The following IST1 variants were observed in gnomAD, a reference collection of about 807,000 sequenced individuals.
IST1 encodes IST1 factor associated with ESCRT-III.
A neutral mutation model predicts 37.0 loss-of-function variants in IST1; 23 were observed. That is an observed-to-expected ratio of 0.62 (90% CI 0.45 to 0.88). The LOEUF (loss-of-function observed/expected upper bound fraction) is 0.88, where lower values mean the gene tolerates loss of function less well. Ranked by LOEUF, IST1 falls within the 40% of genes least tolerant of loss-of-function variation. IST1 has a pLI of 0.00. For missense variants in IST1, 488 were observed against 445.4 expected (o/e 1.10, Z -0.86); for synonymous variants, 180 against 161.7 (o/e 1.11, Z -0.86).
intron 4 of IST1, among the ~76,000 whole-genome samples, 179 bp from the exon 5 acceptor site, chr16:71,920,560 T>TTGGA (rs140935789): frequency 4.0e-4 from 61 of 152,244 alleles, no homozygotes; most frequent in African/African-American, 9.4e-4. Flanking sequence ...GTGCTGCTCA[T>TTGGA]TGGATGGATG....
At chr16:71,922,213 C>G (rs1370253538) in intron 6 of IST1, among the ~76,000 whole-genome samples, 1 of 152,116 alleles carries the variant, frequency 6.6e-6, no homozygotes, top group Non-Finnish European at 1.5e-5. Flanking sequence ...CTCAGACATC[C>G]CTATTACCCA....
intron 1 of IST1, among the ~76,000 whole-genome samples, chr16:71,914,408 C>G (rs1048356147): frequency 6.6e-6 from 1 of 152,100 alleles, no homozygotes; most frequent in African/African-American, 2.4e-5. Context: ...GATCTGCCCA[C>G]CTCGGCCTCC....
In IST1 at chr16:71,930,067, T is replaced by C. The variant is rs1160552339; in HGVS notation, c.*2254T>C. ...AGTTACCTACCTTAAGCGACTTTCT[T>C]TCTTTTCCAAAGGCCATGAGAATGG... On this transcript the variant is annotated 3_prime_UTR_variant, in exon 10 of 10. Transcript: ENST00000378799. The C allele has an allele frequency of 1.3e-6, 2 of 1,549,278 alleles. No homozygotes were observed. Among genetic ancestry groups the C allele is most frequent in the Admixed American group, 2.0e-5 (1 of 50,038 alleles).
intron 1 of IST1, among the ~76,000 whole-genome samples, chr16:71,907,524 G>A (rs938373073): frequency 4.6e-5 from 7 of 152,092 alleles, no homozygotes; most frequent in Non-Finnish European, 7.4e-5. Flanking sequence ...TGATCCGCCC[G>A]CCTCGGCTTC....
upstream of IST1, chr16:71,895,476 C>G (rs1287047012): frequency 6.1e-6 from 6 of 980,116 alleles, no homozygotes; most frequent in Non-Finnish European, 7.3e-6. Flanking sequence ...GTGGCTATAT[C>G]GGCCCCGTGG....
chr16:71,899,881 G>A (rs905977978), intron 1 of IST1, among the ~76,000 whole-genome samples: 3 of 152,078 alleles, frequency 2.0e-5, no homozygotes, highest in African/African-American at 7.2e-5. Context: ...AAATTAGCTG[G>A]GTATGGTGGT....
intron 1 of IST1, among the ~76,000 whole-genome samples, chr16:71,909,687 T>C (rs2037308560): frequency 6.6e-6 from 1 of 152,234 alleles, no homozygotes; most frequent in African/African-American, 2.4e-5. Context: ...AGGTATAATC[T>C]TATCTTTGTT....
Position 71,929,529 on chromosome 16 carries a change from A to G in IST1, c.*1716A>G, listed in dbSNP as rs1597264491. On this transcript the variant is annotated 3_prime_UTR_variant, in exon 10 of 10. Transcript: ENST00000378799. ...TAATAAATACTAAGCCAAGTAGGAGATAACAGGATTAAGGTAGTTCATCTA... is the reference window on the plus strand; with the variant it reads ...TAATAAATACTAAGCCAAGTAGGAGGTAACAGGATTAAGGTAGTTCATCTA... 2 of 1,546,262 alleles carry G rather than the reference A, an allele frequency of 1.3e-6. No individual in the cohort carries two copies. The highest frequency in any genetic ancestry group is 2.4e-5 in the South Asian group (2 of 82,604).
chr16:71,927,104 C>A (rs1390726593), intron 9 of IST1, among the ~76,000 whole-genome samples: 1 of 152,074 alleles, frequency 6.6e-6, no homozygotes. Flanking sequence ...CTTTGATTTC[C>A]CTTAAACTTT....
chr16:71,921,065 GTTGGAA>G, intron 5 of IST1: 1 of 606,440 alleles, frequency 1.6e-6, no homozygotes, highest in South Asian at 1.9e-5. Flanking sequence ...ATTTGTGAAG[GTTGGAA>G]GTGAGGTGGG....
chr16:71,908,934 G>T (rs1198920328), intron 1 of IST1, among the ~76,000 whole-genome samples: 2 of 152,036 alleles, frequency 1.3e-5, no homozygotes, highest in South Asian at 2.1e-4. Context: ...TTCTGTTCAG[G>T]TTTTACAGCT....
intron 4 of IST1, among the ~76,000 whole-genome samples, chr16:71,919,970 C>CAATGGCGAG (rs1208085923): frequency 1.3e-5 from 2 of 152,170 alleles, no homozygotes; most frequent in African/African-American, 2.4e-5. Flanking sequence ...GCAGATGGAA[C>CAATGGCGAG]AATGGCGAGC....
chr16:71,909,095 CTTTTTTTTTT>C lies in IST1; in HGVS notation c.-15-6520_-15-6511del, dbSNP rs34086105. On this transcript the variant is annotated intron_variant, in intron 1 of 9. Coordinates refer to ENST00000378799, the MANE Select transcript of IST1 (RefSeq NM_001270975.2). ...CATGTTTTTGTCAAATTTTGTTTGT[CTTTTTTTTTT>C]TTTTTTTTTTGGATACAGGGTCTCA... Among the ~76,000 whole-genome samples the C allele has an allele frequency of 2.3e-4, 24 of 102,946 alleles. 1 individual carries two copies. The highest frequency in any genetic ancestry group is 1.6e-3 in the South Asian group (5 of 3,086). 67.5% of individuals were successfully genotyped at this position (102,946 alleles called of 152,430 possible). A position where few individuals can be genotyped will look rare whatever the true frequency, so the allele number is the denominator to read the frequency against.
At chr16:71,921,930 G>A (rs867623195) in intron 6 of IST1, among the ~76,000 whole-genome samples, 1 of 152,214 alleles carries the variant, frequency 6.6e-6, no homozygotes, top group African/African-American at 2.4e-5. Context: ...AAGGTCAGGA[G>A]ATCGAGACCA....
chr16:71,897,702 T>C (rs1188225643), intron 1 of IST1, among the ~76,000 whole-genome samples: 1 of 152,100 alleles, frequency 6.6e-6, no homozygotes. Context: ...TCCCAGCACT[T>C]TGGGAGGCCG....
intron 4 of IST1, among the ~76,000 whole-genome samples, chr16:71,918,403 G>T (rs2037510774): frequency 7.0e-6 from 1 of 142,194 alleles, no homozygotes; most frequent in Admixed American, 7.6e-5. Flanking sequence ...AGAGGCAACT[G>T]ATTCTTATGT....
intron 1 of IST1, chr16:71,903,295 T>G (rs1330036019): frequency 6.6e-6 from 1 of 152,156 alleles, no homozygotes; most frequent in South Asian, 2.1e-4. Flanking sequence ...CTTTTCTAAT[T>G]AAAACCTTAA....
At chr16:71,903,998 G>T (rs926813365) in intron 1 of IST1, among the ~76,000 whole-genome samples, 1 of 152,122 alleles carries the variant, frequency 6.6e-6, no homozygotes, top group East Asian at 1.9e-4. Flanking sequence ...TAGGATTGTT[G>T]TATCTTCCTG....
At chr16:71,912,428 G>A (rs1296599883) in intron 1 of IST1, among the ~76,000 whole-genome samples, 2 of 151,962 alleles carry the variant, frequency 1.3e-5, no homozygotes, top group Non-Finnish European at 2.9e-5. Context: ...TAGTGGAGAC[G>A]GGGTTTCACC....
Sources: gnomAD v4.1 joint callset for allele counts (sites outside exome capture counted in the v4.1 genomes callset) on GRCh38, gnomAD v4.1.1 for gene constraint, MANE v1.5 for transcripts, NCBI Gene and HGNC (gene_info 2026-07-23, HGNC 2026-07-21) for gene names.